Variants in ADAMTSL1 observed in about 807,000 individuals in gnomAD.
ADAMTSL1 encodes ADAMTS like 1, also known as ADAMTS-like protein 1.
A neutral mutation model predicts 201.8 loss-of-function variants in ADAMTSL1; 126 were observed. The observed-to-expected ratio is 0.62, with a 90% CI of 0.54 to 0.72. The LOEUF (loss-of-function observed/expected upper bound fraction) is 0.72. Ranked by LOEUF, ADAMTSL1 falls within the 30% of genes least tolerant of loss-of-function variation. The pLI, the probability that ADAMTSL1 is intolerant of heterozygous loss-of-function variation, is 0.00. For missense variants in ADAMTSL1, 2,679 were observed against 2,277.8 expected (o/e 1.18, Z -3.59); for synonymous variants, 1,121 against 903.4 (o/e 1.24, Z -4.32).
intron 2 of ADAMTSL1, among the ~76,000 whole-genome samples, chr9:18,417,482 A>C (rs1818739500): frequency 6.6e-6 from 1 of 151,938 alleles, no homozygotes. Flanking sequence ...GAAACAACTA[A>C]ATGGATAAAC....
chr9:18,737,830 G>A (rs572983246), intron 15 of ADAMTSL1, among the ~76,000 whole-genome samples: 11 of 152,300 alleles, frequency 7.2e-5, no homozygotes, highest in African/African-American at 2.4e-4. Flanking sequence ...TTTGAGCTCA[G>A]TGTTTATCAT....
intron 2 of ADAMTSL1, among the ~76,000 whole-genome samples, chr9:18,169,311 A>G (rs1827784610): frequency 6.6e-6 from 1 of 151,904 alleles, no homozygotes; most frequent in South Asian, 2.1e-4. Context: ...TATAAGGTGT[A>G]AGGAAGGGAT....
chr9:18,669,819 G>A (rs539509316), intron 9 of ADAMTSL1, among the ~76,000 whole-genome samples: 3 of 152,232 alleles, frequency 2.0e-5, no homozygotes, highest in Non-Finnish European at 4.4e-5. Flanking sequence ...TAAAACTTCT[G>A]ATCTCATCCA....
chr9:18,887,927 C>T lies in ADAMTSL1; in HGVS notation c.4346C>T (p.Ala1449Val). ...ACAGGACTGACGCATCACATCTTGG[C>T]AGCTGGACAGATCCTTCAAGTTGCA... ...TATGLTHHIL[A>V]AGQILQVANL... Residue 1449 changes from alanine to valine, a missense_variant, in exon 24 of 29, where the codon GCA (alanine) becomes GTA (valine). Transcript: ENST00000380548. 2 of 1,613,998 alleles carry T rather than the reference C, an allele frequency of 1.2e-6. No individual in the cohort carries two copies. The highest frequency in any genetic ancestry group is 3.3e-5 in the Admixed American group (2 of 60,018).
rs538465112 is a variant in ADAMTSL1, at chr9:18,791,857, A to G, written c.3678-3540A>G. 7.3e-4 allele frequency among the ~76,000 whole-genome samples: 111 copies of G among 151,908 alleles called. No individual in the cohort carries two copies. In the Middle Eastern group the frequency reaches 0.017, roughly 23 times the overall value. ...TCCTATTCTAGTTCAAATCCTTACC[A>G]CTCTGTGCCCTCTGTGATGGATCAC... On this transcript the variant is annotated intron_variant, in intron 19 of 28. Transcript: ENST00000380548.
intron 7 of ADAMTSL1, among the ~76,000 whole-genome samples, chr9:18,643,833 T>C (rs1827601879): frequency 6.6e-6 from 1 of 152,034 alleles, no homozygotes; most frequent in Non-Finnish European, 1.5e-5. Flanking sequence ...TCTTTTTTCT[T>C]TTTTGTTCTA....
At chr9:18,655,895 T>C (rs541976285) in intron 7 of ADAMTSL1, among the ~76,000 whole-genome samples, 2 of 150,148 alleles carry the variant, frequency 1.3e-5, no homozygotes, top group Non-Finnish European at 2.9e-5. Context: ...TAGGTACCCT[T>C]GTATCTGACA....
chr9:18,829,899 G>A lies in ADAMTSL1; in HGVS notation c.4171G>A (p.Gly1391Arg). Residue 1391 changes from glycine (G) to arginine (R), a missense_variant, in exon 23 of 29, where the codon GGA (glycine) becomes AGA (arginine). By Grantham distance (125) the Gly-to-Arg change is moderately radical. Transcript: ENST00000380548. ...EDIRALLAAT[G>R]PNLPSVLTSP... ...CATCAGGGCCTTGCTCGCTGCCACT[G>A]GACCGAACCTTCCTTCAGTGCTGAC... 1 of 1,613,924 alleles carries A rather than the reference G, an allele frequency of 6.2e-7. No homozygotes were observed. The highest frequency in any genetic ancestry group is 8.5e-7 in the Non-Finnish European group (1 of 1,179,874).
chr9:18,714,160 A>C (rs1026273552), intron 14 of ADAMTSL1, among the ~76,000 whole-genome samples: 1 of 152,222 alleles, frequency 6.6e-6, no homozygotes. Context: ...AAGATCCAAA[A>C]TTGACACCCT....
intron 2 of ADAMTSL1, among the ~76,000 whole-genome samples, chr9:18,390,820 C>T (rs770971889): frequency 1.3e-5 from 2 of 151,938 alleles, no homozygotes; most frequent in Non-Finnish European, 2.9e-5. Flanking sequence ...AAAAAAACAC[C>T]ACCTCAAAAC....
chr9:18,732,009 G>A (rs553269759), intron 15 of ADAMTSL1, among the ~76,000 whole-genome samples: 2 of 152,106 alleles, frequency 1.3e-5, no homozygotes, highest in Non-Finnish European at 2.9e-5. Flanking sequence ...ACCTCTCTAA[G>A]ACTCAGTTTT....
chr9:18,869,954 GTT>G (rs1827784160), intron 23 of ADAMTSL1, among the ~76,000 whole-genome samples: 1 of 151,146 alleles, frequency 6.6e-6, no homozygotes, highest in South Asian at 2.1e-4. Flanking sequence ...ATTTTTTTCT[GTT>G]TTTCACAATG....
intron 2 of ADAMTSL1, among the ~76,000 whole-genome samples, chr9:18,244,627 G>A (rs976926809): frequency 7.2e-5 from 11 of 151,818 alleles, no homozygotes; most frequent in Non-Finnish European, 1.2e-4. Context: ...CTTCCTTCTC[G>A]GGACTTTCTC....
intron 2 of ADAMTSL1, among the ~76,000 whole-genome samples, chr9:18,271,210 C>G (rs960581357): frequency 1.3e-5 from 2 of 151,968 alleles, no homozygotes; most frequent in Non-Finnish European, 2.9e-5. Context: ...ACTTTAAGTT[C>G]TAGGGTACAT....
At chr9:18,544,024 A>G (rs935910274) in intron 3 of ADAMTSL1, among the ~76,000 whole-genome samples, 1 of 152,178 alleles carries the variant, frequency 6.6e-6, no homozygotes. Flanking sequence ...AACACTCGTC[A>G]GTGGAAAGAA....
intron 1 of ADAMTSL1, among the ~76,000 whole-genome samples, chr9:18,088,085 T>G (rs1268866558): frequency 6.6e-6 from 1 of 152,128 alleles, no homozygotes; most frequent in Non-Finnish European, 1.5e-5. Context: ...ATAGAGAACC[T>G]AGAATTACAT....
intron 3 of ADAMTSL1, among the ~76,000 whole-genome samples, chr9:18,543,667 GACTA>G (rs369708334): frequency 1.4e-3 from 212 of 152,266 alleles, no homozygotes; most frequent in African/African-American, 4.6e-3. Flanking sequence ...CATATTTTAT[GACTA>G]ACTGTTTTAT....
chr9:18,863,396 G>T (rs1185042506), intron 23 of ADAMTSL1, among the ~76,000 whole-genome samples: 1 of 152,230 alleles, frequency 6.6e-6, no homozygotes, highest in Non-Finnish European at 1.5e-5. Flanking sequence ...TACGCTAGGG[G>T]TGAAGAGACA....
At chr9:18,316,147 C>A (rs1586882226) in intron 2 of ADAMTSL1, among the ~76,000 whole-genome samples, 1 of 152,146 alleles carries the variant, frequency 6.6e-6, no homozygotes, top group Non-Finnish European at 1.5e-5. Context: ...GGGTCACAGA[C>A]ATCAAGTACT....
Sources: allele counts gnomAD v4.1 joint callset (sites outside exome capture counted in the v4.1 genomes callset), GRCh38; gene constraint gnomAD v4.1.1; transcripts MANE v1.5; gene names NCBI Gene and HGNC (gene_info 2026-07-23, HGNC 2026-07-21).